The following CADPS2 variants were observed in gnomAD, a reference collection of about 807,000 sequenced individuals.
CADPS2 encodes calcium dependent secretion activator 2, also known as calcium-dependent secretion activator 2.
CADPS2 carries 93 observed loss-of-function variants against 172.5 expected under a neutral mutation model. The ratio of observed to expected loss-of-function variants is 0.54; its 90% CI spans 0.46 to 0.64. CADPS2 has a LOEUF of 0.64. CADPS2 is among the 30% of genes least tolerant of loss of function. The probability of loss-of-function intolerance (pLI) is 0.00; values close to 1 mark genes in which losing one functional copy is unlikely to be tolerated. For missense variants in CADPS2, 1,420 were observed against 1,565.9 expected (o/e 0.91, Z 1.57); for synonymous variants, 546 against 555.2 (o/e 0.98, Z 0.23).
chr7:122,830,021 T>TAA (rs11380726), intron 1 of CADPS2, among the ~76,000 whole-genome samples: 6,220 of 147,830 alleles, frequency 0.042, 421 homozygotes, highest in African/African-American at 0.14. Context: ...AATATCATAT[T>TAA]AAAAAAAAAA....
chr7:122,496,898 T>C (rs1011838529), intron 9 of CADPS2, among the ~76,000 whole-genome samples: 1 of 152,224 alleles, frequency 6.6e-6, no homozygotes, highest in African/African-American at 2.4e-5. Context: ...TGTAAAAGTA[T>C]TGAGAAATGT....
At chr7:122,563,852 A>T (rs2066066442) in intron 7 of CADPS2, among the ~76,000 whole-genome samples, 1 of 152,166 alleles carries the variant, frequency 6.6e-6, no homozygotes, top group Admixed American at 6.5e-5. Context: ...TATTTAAATT[A>T]AAAACCAACT....
chr7:122,562,321 A>G (rs2065879294), intron 7 of CADPS2, among the ~76,000 whole-genome samples: 1 of 152,194 alleles, frequency 6.6e-6, no homozygotes, highest in Non-Finnish European at 1.5e-5. Flanking sequence ...ACGGCAGAGG[A>G]AGGCAGAAGA....
intron 25 of CADPS2, among the ~76,000 whole-genome samples, chr7:122,372,860 G>T (rs1454626470): frequency 1.3e-5 from 2 of 152,208 alleles, no homozygotes; most frequent in African/African-American, 4.8e-5. Context: ...TTAAGGATCT[G>T]AAGCTCAGAG....
At chr7:122,733,166 C>A (rs2091849240) in intron 2 of CADPS2, among the ~76,000 whole-genome samples, 1 of 151,644 alleles carries the variant, frequency 6.6e-6, no homozygotes. Flanking sequence ...TCATATATAT[C>A]TAGCATCTTC....
At chr7:122,687,938 T>G (rs1158235418) in intron 2 of CADPS2, among the ~76,000 whole-genome samples, 1 of 152,264 alleles carries the variant, frequency 6.6e-6, no homozygotes, top group Non-Finnish European at 1.5e-5. Flanking sequence ...TTAATTAGTC[T>G]AAGTATAGAC....
In CADPS2 at chr7:122,509,545, G is replaced by A. The variant is rs2059867431; in HGVS notation, c.1542+3704C>T. ...ACTCAAATTATACCATCACTCCCTG[G>A]CCATTTTTCCAATAGAGTAACACTG... On this transcript the variant is annotated intron_variant, in intron 9 of 29. Coordinates refer to ENST00000449022, the MANE Select transcript of CADPS2 (RefSeq NM_017954.11). Among the ~76,000 whole-genome samples the A allele has an allele frequency of 1.3e-5, 2 of 152,062 alleles. 1 individual carries two copies. The highest frequency in any genetic ancestry group is 4.1e-4 in the South Asian group (2 of 4,826).
intron 2 of CADPS2, among the ~76,000 whole-genome samples, chr7:122,682,576 A>G (rs1426766299): frequency 2.0e-5 from 3 of 152,298 alleles, no homozygotes; most frequent in East Asian, 3.9e-4. Context: ...AATCCTTAAT[A>G]TATGTTTACT....
chr7:122,714,766 T>C (rs1274544211), intron 2 of CADPS2, among the ~76,000 whole-genome samples: 1 of 152,160 alleles, frequency 6.6e-6, no homozygotes, highest in African/African-American at 2.4e-5. Context: ...GTATTACTTA[T>C]AATTTGTTGA....
intron 9 of CADPS2, among the ~76,000 whole-genome samples, chr7:122,505,568 A>T (rs749855969): frequency 6.6e-6 from 1 of 152,164 alleles, no homozygotes; most frequent in Non-Finnish European, 1.5e-5. Flanking sequence ...AATATCATCC[A>T]ACAGACCTAG....
chr7:122,394,582 G>A (rs1019965382), intron 20 of CADPS2, among the ~76,000 whole-genome samples: 4 of 152,048 alleles, frequency 2.6e-5, no homozygotes, highest in Non-Finnish European at 4.4e-5. Context: ...TTCCATGGAA[G>A]ACTTAAAGGG....
intron 3 of CADPS2, among the ~76,000 whole-genome samples, chr7:122,638,640 G>C (rs118057702): frequency 6.6e-6 from 1 of 152,200 alleles, no homozygotes; most frequent in Non-Finnish European, 1.5e-5. Flanking sequence ...GTAGCTCTCT[G>C]TATCAGTCTA....
chr7:122,325,433 T>G, intron 29 of CADPS2, 44 bp downstream of exon 29: 1 of 1,266,916 alleles, frequency 7.9e-7, no homozygotes, highest in East Asian at 2.4e-5. Context: ...CCATTATTCC[T>G]TATAGCTTAG....
intron 9 of CADPS2, among the ~76,000 whole-genome samples, chr7:122,500,739 G>C (rs910067462): frequency 2.0e-5 from 3 of 152,016 alleles, no homozygotes; most frequent in Admixed American, 1.3e-4. Flanking sequence ...AATAACTTAG[G>C]AAACAACTAA....
intron 1 of CADPS2, among the ~76,000 whole-genome samples, chr7:122,802,055 A>G (rs1352817900): frequency 6.6e-6 from 1 of 152,234 alleles, no homozygotes; most frequent in Non-Finnish European, 1.5e-5. Flanking sequence ...CTATTTAGAA[A>G]AGCTATAAGA....
chr7:122,482,120 C>T (rs1190998031), intron 11 of CADPS2, among the ~76,000 whole-genome samples: 1 of 152,096 alleles, frequency 6.6e-6, no homozygotes, highest in Non-Finnish European at 1.5e-5. Flanking sequence ...GCAACAATAG[C>T]CACGAGCTCA....
At chr7:122,839,140 C>G (rs1809557398) in intron 1 of CADPS2, among the ~76,000 whole-genome samples, 1 of 152,158 alleles carries the variant, frequency 6.6e-6, no homozygotes, top group Non-Finnish European at 1.5e-5. Context: ...CTATAACCAT[C>G]TGATCTTTGA....
chr7:122,470,044 C>T (rs571029371), intron 14 of CADPS2, among the ~76,000 whole-genome samples: 1 of 152,110 alleles, frequency 6.6e-6, no homozygotes, highest in African/African-American at 2.4e-5. Context: ...CAAGAATGGG[C>T]AGATGGAAGA....
intron 1 of CADPS2, among the ~76,000 whole-genome samples, chr7:122,811,949 T>C (rs1800109439): frequency 6.6e-6 from 1 of 152,162 alleles, no homozygotes; most frequent in Non-Finnish European, 1.5e-5. Context: ...ATCCACTCAA[T>C]CACTTATTTA....
Sources: allele counts gnomAD v4.1 joint callset (sites outside exome capture counted in the v4.1 genomes callset), GRCh38; gene constraint gnomAD v4.1.1; transcripts MANE v1.5; gene names NCBI Gene and HGNC (gene_info 2026-07-23, HGNC 2026-07-21).